HSP90AA1: variants seen among roughly 807,000 people sequenced by gnomAD.
The protein encoded by HSP90AA1 is heat shock protein HSP 90-alpha.
Under a neutral mutation model 73.3 loss-of-function variants are expected in HSP90AA1, and 18 were observed. The ratio of observed to expected loss-of-function variants is 0.25; its 90% CI spans 0.17 to 0.36. HSP90AA1 has a LOEUF of 0.36. Among genes scored for constraint, HSP90AA1 ranks in the 10% least tolerant of loss-of-function variants. The probability of loss-of-function intolerance (pLI) is 1.00; values close to 1 mark genes in which losing one functional copy is unlikely to be tolerated. For missense variants in HSP90AA1, 704 were observed against 874.2 expected (o/e 0.81, Z 2.45); for synonymous variants, 477 against 296.9 (o/e 1.61, Z -6.24).
upstream of HSP90AA1, among the ~76,000 whole-genome samples, chr14:102,091,938 AT>A (rs1208330374): frequency 6.6e-6 from 1 of 152,110 alleles, no homozygotes; most frequent in Non-Finnish European, 1.5e-5. Flanking sequence ...TGGCTCATTC[AT>A]TTTGATACAT....
At chr14:102,099,006 C>A (rs2049460772) in intron 2 of HSP90AA1, among the ~76,000 whole-genome samples, 1 of 152,212 alleles carries the variant, frequency 6.6e-6, no homozygotes. Flanking sequence ...ACATTGCAAA[C>A]ACCCTGTACC....
chr14:102,120,034 A>T (rs2049756440), intron 1 of HSP90AA1, among the ~76,000 whole-genome samples: 1 of 152,186 alleles, frequency 6.6e-6, no homozygotes, highest in Non-Finnish European at 1.5e-5. Flanking sequence ...TTATTAAATC[A>T]AGTTAAAAAG....
At chr14:102,082,063 G>T in intron 10 of HSP90AA1, 48 bp downstream of exon 10, 2 of 1,267,700 alleles carry the variant, frequency 1.6e-6, no homozygotes, top group Non-Finnish European at 2.3e-6. Context: ...TTTCTTCAAT[G>T]TCACGTGTGT....
intron 1 of HSP90AA1, among the ~76,000 whole-genome samples, chr14:102,116,309 G>C (rs1388824000): frequency 6.6e-6 from 1 of 152,164 alleles, no homozygotes; most frequent in African/African-American, 2.4e-5. Context: ...GTTCCTGTTT[G>C]CTCAGATCCT....
At chr14:102,095,593 C>T (rs1354983090) in intron 2 of HSP90AA1, among the ~76,000 whole-genome samples, 1 of 152,192 alleles carries the variant, frequency 6.6e-6, no homozygotes, top group African/African-American at 2.4e-5. Flanking sequence ...TGCCTTTGGG[C>T]ATGCTCCTGT....
upstream of HSP90AA1, among the ~76,000 whole-genome samples, chr14:102,087,356 C>T (rs563689098): frequency 2.2e-4 from 33 of 151,228 alleles, no homozygotes; most frequent in South Asian, 1.2e-3. Flanking sequence ...CTTCTGGGGC[C>T]GCCCGCGCCC....
chr14:102,082,646 A>T (rs1595654483), intron 9 of HSP90AA1: 4 of 593,928 alleles, frequency 6.7e-6, no homozygotes, highest in African/African-American at 3.7e-5. Context: ...TTTGAGATAG[A>T]GTCTCGCTCC....
chr14:102,084,850 T>C lies in HSP90AA1; in HGVS notation c.812A>G (p.Asp271Gly), dbSNP rs1307547556. The C allele has an allele frequency of 1.4e-5, 23 of 1,588,762 alleles. No homozygotes were observed. The highest frequency in any genetic ancestry group is 1.8e-5 in the Non-Finnish European group (21 of 1,157,150). Residue 271 changes from aspartate (D) to glycine (G), a missense_variant, in exon 5 of 11, where the codon GAT becomes GGT. Physicochemically the swap from Asp to Gly is moderately conservative, Grantham distance 94. Transcript: ENST00000216281. ...VGSDEEEEKK[D>G]GDKKKKKKIK... ...CTTCTTCTTCTTCTTCTTGTCACCA[T>C]CCTTCTTTTCTTCTTCCTCATCAGA...
At chr14:102,122,816 T>TGA (rs2049796544) in intron 1 of HSP90AA1, among the ~76,000 whole-genome samples, 1 of 150,546 alleles carries the variant, frequency 6.6e-6, no homozygotes, top group African/African-American at 2.4e-5. Context: ...TACAGGTGCC[T>TGA]GCCACCATGC....
At chr14:102,118,630 T>G (rs2049737799) in intron 1 of HSP90AA1, among the ~76,000 whole-genome samples, 1 of 152,198 alleles carries the variant, frequency 6.6e-6, no homozygotes, top group African/African-American at 2.4e-5. Flanking sequence ...ATTCATCTTT[T>G]ACCTACAGAT....
chr14:102,083,628 A>G lies in HSP90AA1; in HGVS notation c.1404T>C (p.Ser468=). The G allele has an allele frequency of 6.2e-7, 1 of 1,612,986 alleles. No homozygotes were observed. Among genetic ancestry groups the G allele is most frequent in the Non-Finnish European group, 8.5e-7 (1 of 1,179,042 alleles). ...KLSELLRYYT[S]ASGDEMVSLK... Reference sequence around the variant, plus strand: ...GAGAAACCATCTCATCACCAGAGGCAGATGTGTAGTACCTTAACAGCTCTG... The same window carrying G: ...GAGAAACCATCTCATCACCAGAGGCGGATGTGTAGTACCTTAACAGCTCTG... The change falls in exon 8 of 11, where the codon TCT becomes TCC. Residue 468 remains serine, a synonymous_variant. Coordinates refer to ENST00000216281, the MANE Select transcript of HSP90AA1 (RefSeq NM_005348.4).
intron 1 of HSP90AA1, among the ~76,000 whole-genome samples, chr14:102,136,654 G>A (rs1185822019): frequency 2.6e-5 from 4 of 151,060 alleles, no homozygotes; most frequent in Non-Finnish European, 5.9e-5. Context: ...TCCGGAGGCC[G>A]AGGCTGGTGG....
intron 1 of HSP90AA1, among the ~76,000 whole-genome samples, chr14:102,137,765 C>T (rs2152628842): frequency 6.6e-6 from 1 of 151,572 alleles, no homozygotes; most frequent in South Asian, 2.1e-4. Context: ...GCCTGTAATA[C>T]CAGCACTTTG....
chr14:102,082,041 A>G (rs2049111971), intron 10 of HSP90AA1, 70 bp downstream of exon 10: 4 of 1,117,278 alleles, frequency 3.6e-6, no homozygotes, highest in South Asian at 1.3e-5. Flanking sequence ...TGGATAACTG[A>G]AAGTTCACCA....
intron 8 of HSP90AA1, 48 bp from the exon 9 acceptor site, chr14:102,083,350 G>C (rs1230045780): frequency 6.3e-7 from 1 of 1,598,540 alleles, no homozygotes; most frequent in Non-Finnish European, 8.6e-7. Flanking sequence ...GTTAAGAATG[G>C]TTTCATCTAG....
At chr14:102,123,053 G>T (rs1381681074) in intron 1 of HSP90AA1, among the ~76,000 whole-genome samples, 1 of 152,132 alleles carries the variant, frequency 6.6e-6, no homozygotes, top group Non-Finnish European at 1.5e-5. Context: ...ATAAAATTCT[G>T]TTGATTTTGA....
chr14:102,102,873 GAAAC>G (rs1446840883), intron 1 of HSP90AA1, among the ~76,000 whole-genome samples: 1 of 151,830 alleles, frequency 6.6e-6, no homozygotes, highest in Non-Finnish European at 1.5e-5. Context: ...CCCCAAAAAA[GAAAC>G]AAAATAAAAA....
chr14:102,134,738 T>TA (rs747790476), intron 1 of HSP90AA1, among the ~76,000 whole-genome samples: 20 of 152,186 alleles, frequency 1.3e-4, no homozygotes, highest in Non-Finnish European at 2.8e-4. Context: ...TTACAGCTCA[T>TA]AAAAGCAGTG....
intron 1 of HSP90AA1, among the ~76,000 whole-genome samples, chr14:102,125,843 T>G (rs942133391): frequency 6.6e-6 from 1 of 152,270 alleles, no homozygotes; most frequent in South Asian, 2.1e-4. Context: ...ATTTGGCAAG[T>G]GTGTATTGAG....
Sources: gnomAD v4.1 joint callset for allele counts (sites outside exome capture counted in the v4.1 genomes callset) on GRCh38, gnomAD v4.1.1 for gene constraint, MANE v1.5 for transcripts, NCBI Gene and HGNC (gene_info 2026-07-23, HGNC 2026-07-21) for gene names.